FRMD4B: variants seen among roughly 807,000 people sequenced by gnomAD.
FRMD4B encodes the protein FERM domain containing 4B.
A neutral mutation model predicts 141.5 loss-of-function variants in FRMD4B; 74 were observed. The observed-to-expected ratio is 0.52, with a 90% CI of 0.43 to 0.63. The LOEUF is 0.63. Among genes scored for constraint, FRMD4B ranks in the 30% least tolerant of loss-of-function variants. The pLI is 0.00. For missense variants in FRMD4B, 1,366 were observed against 1,253.4 expected, an observed-to-expected ratio of 1.09 and a Z score of -1.36; for synonymous variants, 506 against 467.9, an observed-to-expected ratio of 1.08 and a Z score of -1.05.
chr3:69,229,770 C>T (rs766441624), intron 7 of FRMD4B, among the ~76,000 whole-genome samples: 32 of 152,108 alleles, frequency 2.1e-4, no homozygotes, highest in Non-Finnish European at 4.0e-4. Flanking sequence ...TGCAGTCGTG[C>T]GATCTTGTTT....
intron 1 of FRMD4B, among the ~76,000 whole-genome samples, chr3:69,455,009 G>T (rs1415264142): frequency 6.6e-6 from 1 of 152,184 alleles, no homozygotes; most frequent in Non-Finnish European, 1.5e-5. Flanking sequence ...TCTAAATCTA[G>T]CTAATCTGGT....
At chr3:69,439,541 A>C (rs768528337) in intron 1 of FRMD4B, among the ~76,000 whole-genome samples, 4 of 152,240 alleles carry the variant, frequency 2.6e-5, no homozygotes, top group Admixed American at 1.3e-4. Flanking sequence ...TGTACAGTGC[A>C]TGAGAGTCCT....
intron 1 of FRMD4B, among the ~76,000 whole-genome samples, chr3:69,345,481 G>T (rs1702904526): frequency 6.6e-6 from 1 of 152,212 alleles, no homozygotes. Context: ...CAGCTTTGAA[G>T]AGAGTAGTTG....
chr3:69,196,651 C>T (rs1471147493), intron 13 of FRMD4B: 2 of 573,320 alleles, frequency 3.5e-6, no homozygotes, highest in Admixed American at 7.1e-5. Flanking sequence ...GGCAACATCA[C>T]CGCCAGCAGT....
intron 11 of FRMD4B, among the ~76,000 whole-genome samples, chr3:69,205,693 C>T (rs1003843964): frequency 6.6e-6 from 1 of 152,168 alleles, no homozygotes; most frequent in Admixed American, 6.5e-5. Context: ...CAACATCTTA[C>T]AGTGCACAGA....
At chr3:69,461,383 AC>A (rs5849903) in intron 1 of FRMD4B, among the ~76,000 whole-genome samples, 27 of 150,918 alleles carry the variant, frequency 1.8e-4, no homozygotes, top group East Asian at 3.9e-4. Flanking sequence ...ACATAGTGAG[AC>A]CCCCCCCATC....
At chr3:69,530,577 T>G (rs575510935) in intron 1 of FRMD4B, among the ~76,000 whole-genome samples, 2 of 151,984 alleles carry the variant, frequency 1.3e-5, no homozygotes, top group Non-Finnish European at 2.9e-5. Flanking sequence ...TTTAATAAAT[T>G]ACCCAGCCTC....
chr3:69,401,403 G>GT (rs1226101918), intron 2 of FRMD4B, among the ~76,000 whole-genome samples: 2 of 152,084 alleles, frequency 1.3e-5, no homozygotes, highest in Admixed American at 1.3e-4. Flanking sequence ...GATTCCTGAA[G>GT]TTTTTTTATT....
chr3:69,416,423 G>T (rs564831039), intron 2 of FRMD4B, among the ~76,000 whole-genome samples: 1 of 152,322 alleles, frequency 6.6e-6, no homozygotes, highest in Non-Finnish European at 1.5e-5. Context: ...TGGGGCTACA[G>T]GTGTGTGCCA....
chr3:69,218,933 C>T lies in FRMD4B; in HGVS notation c.732-554G>A, dbSNP rs189687752. On this transcript the variant is annotated intron_variant, in intron 9 of 22. Coordinates refer to ENST00000398540, the MANE Select transcript of FRMD4B (RefSeq NM_015123.3). The stretch of plus-strand genomic sequence containing the variant: ...ATCCCAGCACTTTGGGAGGCCGAGG[C>T]GGGTGAATCACCTGAGGTCAGGAGT... 4.5e-3 allele frequency among the ~76,000 whole-genome samples: 685 copies of T among 152,190 alleles called. 6 individuals carry two copies. The highest frequency in any genetic ancestry group is 0.015 in the African/African-American group (643 of 41,536).
At chr3:69,228,506 T>C (rs548445864) in intron 7 of FRMD4B, 2 of 450,874 alleles carry the variant, frequency 4.4e-6, no homozygotes, top group African/African-American at 4.0e-5. Context: ...TTTGACTCTG[T>C]GTGATAGAGA....
intron 1 of FRMD4B, among the ~76,000 whole-genome samples, chr3:69,367,547 CAATATTTTTGTTTTTA>C (rs1299316440): frequency 0.043 from 1,336 of 31,294 alleles, 30 homozygotes; most frequent in African/African-American, 0.071. Flanking sequence ...TTATCTGGGC[CAATATTTTTGTTTTTA>C]CCCAAAAAAT....
At chr3:69,336,922 C>A (rs1358553879) in intron 1 of FRMD4B, among the ~76,000 whole-genome samples, 1 of 152,152 alleles carries the variant, frequency 6.6e-6, no homozygotes, top group Non-Finnish European at 1.5e-5. Context: ...CCAGCCTGGG[C>A]ATCAGAGTGA....
rs146455486 is a variant in FRMD4B at position 69,503,453 on chromosome 3, C to A, written c.-129+38753G>T. Among the ~76,000 whole-genome samples, 17 of 145,618 alleles carry A rather than the reference C, an allele frequency of 1.2e-4. No homozygotes were observed. The East Asian group carries it at 2.7e-3, about 23-fold the overall frequency. On this transcript the variant is annotated intron_variant, in intron 1 of 5. Transcript: ENST00000459638. ...CACAAGGACAAAAAACCAAACACTG[C>A]ATGTTCTCACTGATAGGAGGGAACT...
At chr3:69,373,179 T>C (rs905666433) in intron 1 of FRMD4B, among the ~76,000 whole-genome samples, 1 of 152,242 alleles carries the variant, frequency 6.6e-6, no homozygotes, top group African/African-American at 2.4e-5. Context: ...GAAAGGCTAC[T>C]TAAAGAATAG....
In FRMD4B at chr3:69,170,909, C is replaced by A. The variant is rs576679938; in HGVS notation, c.*952G>T. ...TTCTAACGTTCACCATTTTAAGGCA[C>A]GCAATTCATCTAAAATGACGTGGCT... is the stretch of plus-strand genomic sequence containing the variant. On this transcript the variant is annotated 3_prime_UTR_variant, in exon 23 of 23. Transcript: ENST00000398540. 1 of 152,038 alleles carries A rather than the reference C, an allele frequency of 6.6e-6. No individual in the cohort carries two copies. The highest frequency in any genetic ancestry group is 1.5e-5 in the Non-Finnish European group (1 of 68,010). 9.4% of individuals were successfully genotyped at this position (152,038 alleles called of 1,614,324 possible). A position where few individuals can be genotyped will look rare whatever the true frequency, so the allele number is the denominator to read the frequency against.
chr3:69,203,299 G>A (rs1308153984), intron 11 of FRMD4B, among the ~76,000 whole-genome samples: 1 of 115,332 alleles, frequency 8.7e-6, no homozygotes, highest in Admixed American at 1.2e-4. Flanking sequence ...CTAAATATCT[G>A]AGGGTACTGT....
chr3:69,273,061 A>G (rs1272859183), intron 5 of FRMD4B, among the ~76,000 whole-genome samples: 1 of 152,188 alleles, frequency 6.6e-6, no homozygotes, highest in African/African-American at 2.4e-5. Context: ...GGTGCTGCCT[A>G]CATGGTAATT....
intron 7 of FRMD4B, among the ~76,000 whole-genome samples, chr3:69,237,230 GC>G (rs1425063384): frequency 6.6e-6 from 1 of 152,240 alleles, no homozygotes; most frequent in African/African-American, 2.4e-5. Context: ...GGAGGGAGGG[GC>G]CGGGAAAGGA....
Sources: allele counts gnomAD v4.1 joint callset (sites outside exome capture counted in the v4.1 genomes callset), GRCh38; gene constraint gnomAD v4.1.1; transcripts MANE v1.5; gene names NCBI Gene and HGNC (gene_info 2026-07-23, HGNC 2026-07-21).